MAFF: variants seen among roughly 807,000 people sequenced by gnomAD.
The protein encoded by MAFF is MAF bZIP transcription factor F.
Under a neutral mutation model 2.7 loss-of-function variants are expected in MAFF, and 4 were observed. The ratio of observed to expected loss-of-function variants is 1.48; its 90% CI spans 0.73 to 3.39. The LOEUF (loss-of-function observed/expected upper bound fraction) is 3.39, where lower values mean the gene tolerates loss of function less well. MAFF is among the 30% of genes most tolerant of loss of function. MAFF has a pLI of 0.01. For synonymous variants in MAFF, 113 were observed against 119.4 expected, an observed-to-expected ratio of 0.95 and a Z score of 0.35; for missense variants, 190 against 246.6, an observed-to-expected ratio of 0.77 and a Z score of 1.54.
At position 38,214,667 on chromosome 22, in the gene MAFF, G is replaced by A; in HGVS notation, c.284G>A (p.Arg95His). Reference sequence around the variant, plus strand: ...GAGCGCGAGGTGGACAAGCTGGCGCGCGAGAACGCCGCCATGCGCCTGGAG... The same window carrying A: ...GAGCGCGAGGTGGACAAGCTGGCGCACGAGAACGCCGCCATGCGCCTGGAG... ...ELEREVDKLARENAAMRLELD... is the reference protein window; with the variant it reads ...ELEREVDKLAHENAAMRLELD... The change falls in exon 3 of 3, where the codon CGC becomes CAC. Residue 95 changes from arginine (R) to histidine (H), a missense_variant. By Grantham distance (29) the Arg-to-His change is conservative. This residue lies in a region of MAFF where 87 missense variants were observed against 143.6 expected (regional missense o/e 0.61). Transcript: ENST00000338483. This position sits in a 1 kb window ranked among gnomAD's most constrained non-coding sequence, Gnocchi z 6.3. 6.4e-7 allele frequency: 1 copy of A among 1,551,928 alleles called. No homozygotes were observed. Among genetic ancestry groups the A allele is most frequent in the Non-Finnish European group, 8.7e-7 (1 of 1,149,186 alleles).
In MAFF at chr22:38,214,985, C is replaced by A; in HGVS notation, c.*107C>A. The stretch of plus-strand genomic sequence containing the variant: ...AGGTCCCATTTCTCTGCAGCACTGG[C>A]CCCTTGGTGCACACACATTCCCTTC... On this transcript the variant is annotated 3_prime_UTR_variant, in exon 3 of 3. Transcript: ENST00000338483. This position sits in a 1 kb window ranked among gnomAD's most constrained non-coding sequence, Gnocchi z 6.3. The A allele has an allele frequency of 2.4e-6, 2 of 824,250 alleles. No individual in the cohort carries two copies. Among genetic ancestry groups the A allele is most frequent in the Non-Finnish European group, 4.0e-6 (2 of 506,242 alleles). The allele number at this position is 824,250 out of a possible 1,614,324, so 51.1% of individuals were successfully genotyped here. A position where few individuals can be genotyped will look rare whatever the true frequency, so the allele number is the denominator to read the frequency against.
intron 1 of MAFF, among the ~76,000 whole-genome samples, chr22:38,207,594 C>A (rs2091063171): frequency 1.3e-5 from 2 of 150,528 alleles, no homozygotes; most frequent in East Asian, 2.0e-4. Context: ...CGCCCACCAC[C>A]ACACCCGGCT....
intron 1 of MAFF, among the ~76,000 whole-genome samples, chr22:38,210,623 AGTGTGTGTGT>A (rs71195095): frequency 1.1e-3 from 142 of 133,016 alleles, no homozygotes; most frequent in African/African-American, 3.9e-3. Context: ...GGACACAGGG[AGTGTGTGTGT>A]GTGTGTGTGT....
At position 38,208,019 on chromosome 22, in the gene MAFF, C is replaced by T. The variant is rs2091066717; in HGVS notation, c.-31-5804C>T. On this transcript the variant is annotated intron_variant, in intron 1 of 2. Transcript: ENST00000338483. ...AGTGCTGCCCCTCTCTGGGTCTCTA[C>T]CTCCCCTTGGGTAAAGGGAGGAGGC... Among the ~76,000 whole-genome samples the T allele has an allele frequency of 2.0e-5, 3 of 152,318 alleles. No individual in the cohort carries two copies. The South Asian group carries it at 6.2e-4, about 32-fold the overall frequency.
At chr22:38,208,694 C>T (rs1568998422) in intron 1 of MAFF, among the ~76,000 whole-genome samples, 1 of 152,148 alleles carries the variant, frequency 6.6e-6, no homozygotes, top group Non-Finnish European at 1.5e-5. Flanking sequence ...GGTGGAGAGA[C>T]AGCAAGGAAA....
chr22:38,211,797 C>G (rs1354189141), intron 1 of MAFF, among the ~76,000 whole-genome samples: 1 of 152,106 alleles, frequency 6.6e-6, no homozygotes, highest in Non-Finnish European at 1.5e-5. Flanking sequence ...TGGGAGACAC[C>G]CCGGTCCTGC....
intron 1 of MAFF, among the ~76,000 whole-genome samples, chr22:38,204,939 G>T (rs937402738): frequency 1.1e-4 from 16 of 152,198 alleles, no homozygotes; most frequent in Non-Finnish European, 2.1e-4. Flanking sequence ...TCAATGATGG[G>T]GATTGGAGAC....
chr22:38,210,572 A>G (rs1310985281), intron 1 of MAFF, among the ~76,000 whole-genome samples: 1 of 150,628 alleles, frequency 6.6e-6, no homozygotes, highest in African/African-American at 2.4e-5. Context: ...CATATATGTG[A>G]GTGATGACAA....
Position 38,214,907 on chromosome 22 carries a change from C to A in MAFF, c.*29C>A. ...CCGCCCCCGCCATGCCTCAGCCACG[C>A]CCCTCCGGCCTCAGCTCCCTCCCCA... On this transcript the variant is annotated 3_prime_UTR_variant, in exon 3 of 3. Transcript: ENST00000338483. This position sits in a 1 kb window ranked among gnomAD's most constrained non-coding sequence, Gnocchi z 6.3. 1 of 1,483,320 alleles carries A rather than the reference C, an allele frequency of 6.7e-7. No homozygotes were observed. Among genetic ancestry groups the A allele is most frequent in the Non-Finnish European group, 9.1e-7 (1 of 1,095,844 alleles). 91.9% of individuals were successfully genotyped at this position (1,483,320 alleles called of 1,614,324 possible). A position where few individuals can be genotyped will look rare whatever the true frequency, so the allele number is the denominator to read the frequency against.
chr22:38,213,918 G>A, intron 2 of MAFF, 29 bp downstream of exon 2: 2 of 1,613,360 alleles, frequency 1.2e-6, no homozygotes, highest in Non-Finnish European at 1.7e-6. Context: ...TCAACCCAGT[G>A]AAGCCCTCCC....
In MAFF at chr22:38,216,030, G is replaced by C. The variant is rs1185180940; in HGVS notation, c.*1152G>C. On this transcript the variant is annotated 3_prime_UTR_variant, in exon 3 of 3. Coordinates refer to ENST00000338483, the MANE Select transcript of MAFF (RefSeq NM_012323.4). Reference sequence around the variant, plus strand: ...GAGCTGGGCTTTATATTTTATATCTGCAAATAAATCACATTTTATCTTATA... The same window carrying C: ...GAGCTGGGCTTTATATTTTATATCTCCAAATAAATCACATTTTATCTTATA... 1.2e-5 allele frequency: 2 copies of C among 167,054 alleles called. No homozygotes were observed. Among genetic ancestry groups the C allele is most frequent in the Non-Finnish European group, 2.9e-5 (2 of 68,122 alleles). 10.3% of individuals were successfully genotyped at this position (167,054 alleles called of 1,614,324 possible).
chr22:38,209,928 C>T (rs1043714316), intron 1 of MAFF, among the ~76,000 whole-genome samples: 1 of 151,732 alleles, frequency 6.6e-6, no homozygotes, highest in South Asian at 2.1e-4. Context: ...GGGTAGCCAG[C>T]AGATCTCATA....
intron 1 of MAFF, 131 bp from the exon 2 acceptor site, chr22:38,213,692 A>G (rs553180879): frequency 4.1e-6 from 3 of 732,672 alleles, no homozygotes; most frequent in Non-Finnish European, 7.4e-6. Context: ...CAATGTGGAG[A>G]GAGGAAGGTG....
In MAFF at chr22:38,214,437, C is replaced by A. The variant is rs780182396; in HGVS notation, c.54C>A (p.Ser18Arg). ...GCCCGCAGATCAAGCGAGAGCTGAG[C>A]GAGAACACGCCGCACCTGTCGGACG... ...SKALKIKREL[S>R]ENTPHLSDEA... Residue 18 changes from serine (S) to arginine (R), a missense_variant, in exon 3 of 3, where the codon AGC becomes AGA. Transcript: ENST00000338483. This position sits in a 1 kb window ranked among gnomAD's most constrained non-coding sequence, Gnocchi z 6.3. 3.1e-6 allele frequency: 5 copies of A among 1,602,398 alleles called. No individual in the cohort carries two copies. Among genetic ancestry groups the A allele is most frequent in the Non-Finnish European group, 3.4e-6 (4 of 1,174,726 alleles).
At chr22:38,212,463 T>C (rs919281859) in intron 1 of MAFF, among the ~76,000 whole-genome samples, 2 of 152,152 alleles carry the variant, frequency 1.3e-5, no homozygotes, top group African/African-American at 4.8e-5. Flanking sequence ...CTTTGGGAGA[T>C]GGTCCCCTTC....
At chr22:38,212,205 T>C (rs1408408149) in intron 1 of MAFF, among the ~76,000 whole-genome samples, 2 of 152,214 alleles carry the variant, frequency 1.3e-5, no homozygotes, top group African/African-American at 4.8e-5. Context: ...TTTGCCATGT[T>C]GGCCAGGCTG....
intron 1 of MAFF, among the ~76,000 whole-genome samples, chr22:38,204,951 G>A (rs1221146865): frequency 6.6e-6 from 1 of 152,094 alleles, no homozygotes; most frequent in East Asian, 1.9e-4. Flanking sequence ...ATTGGAGACG[G>A]AGGGCAAGGC....
intron 1 of MAFF, among the ~76,000 whole-genome samples, chr22:38,211,246 T>TTTTTTTTTTTTC (rs2091098442): frequency 7.6e-6 from 1 of 132,166 alleles, no homozygotes; most frequent in African/African-American, 2.6e-5. Flanking sequence ...TTTTTTTTTT[T>TTTTTTTTTTTTC]CAGACGGAGT....
chr22:38,214,872 C>A lies in MAFF; in HGVS notation c.489C>A (p.Cys163Ter). ...ACCCCGCCCACGGCCCGGCCTCCTG[C>A]TCCTAGTGCCCGCCCCCGCCATGCC... ...GPDPAHGPAS[C>*]S is the part of the protein sequence containing the mutation. The change falls in exon 3 of 3, where the codon TGC (cysteine) becomes TGA (stop). Residue 163 changes from cysteine to a stop codon, truncating the protein, a stop_gained. Coordinates refer to ENST00000338483, the MANE Select transcript of MAFF (RefSeq NM_012323.4). LOFTEE classifies it high-confidence loss of function. The surrounding 1 kb of genome is among the most constrained non-coding windows in gnomAD (Gnocchi z 6.3). 6.6e-7 allele frequency: 1 copy of A among 1,514,722 alleles called. No individual in the cohort carries two copies. The highest frequency in any genetic ancestry group is 8.8e-7 in the Non-Finnish European group (1 of 1,131,242). The allele number at this position is 1,514,722 out of a possible 1,614,324, so 93.8% of individuals were successfully genotyped here. A position where few individuals can be genotyped will look rare whatever the true frequency, so the allele number is the denominator to read the frequency against.
Sources: allele counts gnomAD v4.1 joint callset (sites outside exome capture counted in the v4.1 genomes callset), GRCh38; gene constraint gnomAD v4.1.1; regional missense constraint gnomAD v4.1.1; non-coding constraint Gnocchi (gnomAD v3.1); transcripts MANE v1.5; gene names NCBI Gene and HGNC (gene_info 2026-07-23, HGNC 2026-07-21).